The following ANKIB1 variants were observed in gnomAD, a reference collection of about 807,000 sequenced individuals.
The protein encoded by ANKIB1 is ankyrin repeat and IBR domain-containing protein 1.
A neutral mutation model predicts 122.1 loss-of-function variants in ANKIB1; 43 were observed. That is an observed-to-expected ratio of 0.35 (90% confidence interval 0.28 to 0.45). ANKIB1 has a LOEUF of 0.45. Ranked by LOEUF, ANKIB1 falls within the 20% of genes least tolerant of loss-of-function variation. ANKIB1 has a pLI of 1.00. For synonymous variants in ANKIB1, 390 were observed against 442.0 expected (o/e 0.88, Z 1.48); for missense variants, 992 against 1,329.5 (o/e 0.75, Z 3.95).
chr7:92,288,702 T>G (rs1337188635), intron 1 of ANKIB1, among the ~76,000 whole-genome samples: 1 of 152,224 alleles, frequency 6.6e-6, no homozygotes, highest in East Asian at 1.9e-4. Flanking sequence ...GGGCGAAAGA[T>G]TTATTTAAAC....
intron 1 of ANKIB1, among the ~76,000 whole-genome samples, chr7:92,255,818 T>C (rs985583615): frequency 7.9e-5 from 12 of 152,154 alleles, no homozygotes; most frequent in African/African-American, 2.9e-4. Flanking sequence ...ATGATTATAT[T>C]CTCAAATTGG....
chr7:92,319,342 C>T lies in ANKIB1; in HGVS notation c.499C>T (p.His167Tyr). The T allele has an allele frequency of 1.3e-6, 2 of 1,578,682 alleles. No individual in the cohort carries two copies. Among genetic ancestry groups the T allele is most frequent in the Non-Finnish European group, 1.7e-6 (2 of 1,165,580 alleles). Residue 167 changes from histidine (H) to tyrosine (Y), a missense_variant, in exon 4 of 20, where the codon CAT (histidine) becomes TAT (tyrosine). By Grantham distance (83) the His-to-Tyr change is moderately conservative. Transcript: ENST00000265742. ...MKACVELLVK[H>Y]GGDLFAENEN... ...AAAACTTTTTTAGCTTTTAGTAAAA[C>T]ATGGAGGAGACTTGTTTGCTGAGAA...
At chr7:92,296,901 A>T (rs986184945) in intron 2 of ANKIB1, among the ~76,000 whole-genome samples, 3 of 152,004 alleles carry the variant, frequency 2.0e-5, no homozygotes, top group Non-Finnish European at 4.4e-5. Context: ...CTTTTATCTA[A>T]TTTTTTTGCT....
intron 7 of ANKIB1, among the ~76,000 whole-genome samples, chr7:92,348,868 T>C (rs1279640928): frequency 6.6e-6 from 1 of 152,172 alleles, no homozygotes; most frequent in Non-Finnish European, 1.5e-5. Flanking sequence ...TCTAGAGAAA[T>C]CAAGGAAGAT....
chr7:92,337,373 A>T (rs1451905107), intron 5 of ANKIB1, among the ~76,000 whole-genome samples: 1 of 152,174 alleles, frequency 6.6e-6, no homozygotes, highest in Non-Finnish European at 1.5e-5. Flanking sequence ...TCTTTTTCTT[A>T]CTATTTAAGA....
At chr7:92,255,287 T>G (rs1407583939) in intron 1 of ANKIB1, among the ~76,000 whole-genome samples, 1 of 152,224 alleles carries the variant, frequency 6.6e-6, no homozygotes, top group Non-Finnish European at 1.5e-5. Context: ...TCTTCTGACT[T>G]TCTAATCAAA....
intron 10 of ANKIB1, among the ~76,000 whole-genome samples, chr7:92,368,568 A>C (rs553381723): frequency 3.3e-5 from 5 of 152,142 alleles, no homozygotes; most frequent in African/African-American, 4.8e-5. Context: ...AATACAAAAA[A>C]AAATTAGCCA....
chr7:92,255,001 GT>G (rs1257335867), intron 1 of ANKIB1, among the ~76,000 whole-genome samples: 1 of 152,128 alleles, frequency 6.6e-6, no homozygotes, highest in Non-Finnish European at 1.5e-5. Flanking sequence ...AAAAAGGGGA[GT>G]TTTCCTTCAC....
intron 5 of ANKIB1, among the ~76,000 whole-genome samples, 161 bp downstream of exon 5, chr7:92,328,061 C>T (rs1356275520): frequency 1.3e-5 from 2 of 152,152 alleles, no homozygotes; most frequent in African/African-American, 2.4e-5. Context: ...CTCAGTTCCT[C>T]ATAACATCTT....
chr7:92,374,271 GT>G (rs1804333986), intron 11 of ANKIB1, among the ~76,000 whole-genome samples: 1 of 152,204 alleles, frequency 6.6e-6, no homozygotes, highest in Admixed American at 6.5e-5. Context: ...GAGGACAGGA[GT>G]TTGAGACCAT....
chr7:92,257,076 A>C (rs1023269071), intron 1 of ANKIB1, among the ~76,000 whole-genome samples: 6 of 151,960 alleles, frequency 3.9e-5, no homozygotes, highest in African/African-American at 1.5e-4. Flanking sequence ...TGTAATTCTA[A>C]CTACTCAGGA....
At chr7:92,282,544 T>G (rs1356917979) in intron 1 of ANKIB1, among the ~76,000 whole-genome samples, 2 of 152,210 alleles carry the variant, frequency 1.3e-5, no homozygotes, top group Admixed American at 1.3e-4. Flanking sequence ...TTCACTTATA[T>G]TTTTGCATTA....
At chr7:92,376,222 C>G (rs1487975602) in intron 11 of ANKIB1, among the ~76,000 whole-genome samples, 1 of 152,180 alleles carries the variant, frequency 6.6e-6, no homozygotes, top group Admixed American at 6.5e-5. Context: ...TATCCCGTAA[C>G]AAGAGTCAGC....
At chr7:92,388,128 A>G (rs897009191) in intron 14 of ANKIB1, 87 bp downstream of exon 14, 6 of 1,233,570 alleles carry the variant, frequency 4.9e-6, no homozygotes, top group Middle Eastern at 2.3e-4. Context: ...CCTGAAAGGA[A>G]TACATTATGT....
intron 2 of ANKIB1, among the ~76,000 whole-genome samples, chr7:92,298,131 A>T (rs1192411577): frequency 6.6e-6 from 1 of 152,042 alleles, no homozygotes; most frequent in Non-Finnish European, 1.5e-5. Flanking sequence ...TACTAAACTC[A>T]TCTCTACTAG....
In ANKIB1 at chr7:92,399,310, C is replaced by T. The variant is rs1804967058; in HGVS notation, c.*361C>T. On this transcript the variant is annotated 3_prime_UTR_variant, in exon 20 of 20. Coordinates refer to ENST00000265742, the MANE Select transcript of ANKIB1 (RefSeq NM_019004.2). ...AACATTTAAACTAAAGGCTTACTCC[C>T]TAATCTTTGGGTGGCTTTCCTTTAA... 1 of 158,786 alleles carries T rather than the reference C, an allele frequency of 6.3e-6. No individual in the cohort carries two copies. The allele number at this position is 158,786 out of a possible 1,614,324, so 9.8% of individuals were successfully genotyped here.
At chr7:92,351,538 A>G (rs1803662658) in intron 8 of ANKIB1, among the ~76,000 whole-genome samples, 1 of 152,154 alleles carries the variant, frequency 6.6e-6, no homozygotes, top group Non-Finnish European at 1.5e-5. Flanking sequence ...ATAGGTTTAT[A>G]TAATGAATTA....
At position 92,376,100 on chromosome 7, in the gene ANKIB1, T is replaced by C. The variant is rs184117771; in HGVS notation, c.1617+4493T>C. Among the ~76,000 whole-genome samples, 445 of 152,340 alleles carry C rather than the reference T, an allele frequency of 2.9e-3. 1 individual carries two copies. Among genetic ancestry groups the C allele is most frequent in the Non-Finnish European group, 3.0e-3 (201 of 68,030 alleles). On this transcript the variant is annotated intron_variant, in intron 11 of 19. Transcript: ENST00000265742. ...CAGATGGGCTGCCATCCAGGCTTCATTGATCCATGTATAGAGCACAGGCAG... is the reference window on the plus strand; with the variant it reads ...CAGATGGGCTGCCATCCAGGCTTCACTGATCCATGTATAGAGCACAGGCAG...
chr7:92,261,652 G>A (rs1177576493), intron 1 of ANKIB1, among the ~76,000 whole-genome samples: 1 of 152,126 alleles, frequency 6.6e-6, no homozygotes, highest in Non-Finnish European at 1.5e-5. Flanking sequence ...TAGATTGAGA[G>A]TATTGTTCCT....
Sources: gnomAD v4.1 joint callset for allele counts (sites outside exome capture counted in the v4.1 genomes callset) on GRCh38, gnomAD v4.1.1 for gene constraint, MANE v1.5 for transcripts, NCBI Gene and HGNC (gene_info 2026-07-23, HGNC 2026-07-21) for gene names.